Variants in EBF1 observed in about 807,000 individuals in gnomAD.
The protein encoded by EBF1 is EBF transcription factor 1, also known as transcription factor COE1.
Under a neutral mutation model 68.4 loss-of-function variants are expected in EBF1, and 10 were observed. The observed-to-expected ratio is 0.15, with a 90% CI of 0.09 to 0.25. EBF1 has a LOEUF of 0.25. Among genes scored for constraint, EBF1 ranks in the 10% least tolerant of loss-of-function variants. EBF1 has a pLI of 1.00. For synonymous variants in EBF1, 298 were observed against 299.8 expected, an observed-to-expected ratio of 0.99 and a Z score of 0.06; for missense variants, 509 against 794.4, an observed-to-expected ratio of 0.64 and a Z score of 4.32.
At chr5:158,719,401 TCATAGA>T (rs1761457600) in intron 11 of EBF1, among the ~76,000 whole-genome samples, 1 of 152,192 alleles carries the variant, frequency 6.6e-6, no homozygotes, top group African/African-American at 2.4e-5. Context: ...ATTTGCACAT[TCATAGA>T]AAGACACATT....
At chr5:158,835,679 T>G (rs1163644899) in intron 7 of EBF1, among the ~76,000 whole-genome samples, 2 of 152,176 alleles carry the variant, frequency 1.3e-5, no homozygotes, top group Admixed American at 1.3e-4. Context: ...TGGACAATTT[T>G]TTTTTGTTGT....
chr5:158,952,357 G>A (rs764469221), intron 6 of EBF1, among the ~76,000 whole-genome samples: 1 of 152,154 alleles, frequency 6.6e-6, no homozygotes, highest in Non-Finnish European at 1.5e-5. Flanking sequence ...ACGGCACAAA[G>A]GGTGACTGAG....
intron 6 of EBF1, among the ~76,000 whole-genome samples, chr5:159,000,628 AT>A (rs1762349816): frequency 6.6e-6 from 1 of 152,200 alleles, no homozygotes. Context: ...AAAAATTAGA[AT>A]TTTGGAAAAC....
intron 6 of EBF1, among the ~76,000 whole-genome samples, chr5:158,844,189 T>TTTA (rs1790923353): frequency 4.4e-5 from 1 of 22,724 alleles, no homozygotes; most frequent in African/African-American, 1.5e-4. Flanking sequence ...AACTCAAGCC[T>TTTA]TTTTTTTTTT....
chr5:158,883,233 C>T (rs1175285189), intron 6 of EBF1, among the ~76,000 whole-genome samples: 1 of 151,886 alleles, frequency 6.6e-6, no homozygotes, highest in Non-Finnish European at 1.5e-5. Flanking sequence ...TATATACACA[C>T]ATAATACACA....
intron 10 of EBF1, among the ~76,000 whole-genome samples, chr5:158,748,737 G>T (rs1257564530): frequency 2.6e-5 from 4 of 152,138 alleles, no homozygotes; most frequent in African/African-American, 9.7e-5. Flanking sequence ...TTGCAAAATT[G>T]ACGTCCTCCC....
intron 6 of EBF1, among the ~76,000 whole-genome samples, chr5:159,013,983 C>T (rs1356365385): frequency 1.3e-5 from 2 of 152,180 alleles, no homozygotes; most frequent in African/African-American, 4.8e-5. Context: ...AATTAGCCCA[C>T]TCCTTTAAAG....
chr5:158,933,535 C>T (rs1236779548), intron 6 of EBF1, among the ~76,000 whole-genome samples: 1 of 152,100 alleles, frequency 6.6e-6, no homozygotes, highest in African/African-American at 2.4e-5. Flanking sequence ...AATTCAACTA[C>T]TCATTAAAGG....
chr5:159,037,902 C>T (rs1289004660), intron 6 of EBF1, among the ~76,000 whole-genome samples: 1 of 152,166 alleles, frequency 6.6e-6, no homozygotes, highest in Non-Finnish European at 1.5e-5. Context: ...ATCAGCCATC[C>T]TCTGATCTCC....
intron 5 of EBF1, among the ~76,000 whole-genome samples, chr5:159,077,232 C>T (rs1171271489): frequency 1.3e-5 from 2 of 152,094 alleles, no homozygotes; most frequent in Non-Finnish European, 2.9e-5. Context: ...GTCAGGAGTT[C>T]GGGACTAGCC....
intron 6 of EBF1, among the ~76,000 whole-genome samples, chr5:158,942,651 TG>T (rs1206841531): frequency 6.6e-6 from 1 of 152,066 alleles, no homozygotes; most frequent in African/African-American, 2.4e-5. Flanking sequence ...TGAAGGTTTT[TG>T]AAGGAGGAAT....
intron 6 of EBF1, among the ~76,000 whole-genome samples, chr5:159,066,381 C>T (rs1394741293): frequency 1.3e-5 from 2 of 152,110 alleles, no homozygotes; most frequent in Admixed American, 1.3e-4. Context: ...GGCATGTTTG[C>T]AACTGGAACC....
intron 6 of EBF1, among the ~76,000 whole-genome samples, chr5:158,859,896 G>T (rs1794681792): frequency 6.6e-6 from 1 of 152,084 alleles, no homozygotes. Flanking sequence ...TTCATATCTG[G>T]CCAACCAGAT....
At chr5:158,831,085 C>G (rs1344652949) in intron 7 of EBF1, among the ~76,000 whole-genome samples, 1 of 152,164 alleles carries the variant, frequency 6.6e-6, no homozygotes, top group Non-Finnish European at 1.5e-5. Context: ...CCTCATTCCT[C>G]CCTCTGTGGA....
At chr5:158,775,783 GACACACAC>G (rs58752245) in intron 10 of EBF1, among the ~76,000 whole-genome samples, 21,475 of 129,294 alleles carry the variant, frequency 0.17, 1,704 homozygotes, top group Non-Finnish European at 0.17. Context: ...CATGCACACA[GACACACAC>G]ACACACACAC....
intron 10 of EBF1, among the ~76,000 whole-genome samples, chr5:158,749,077 A>G (rs1768200925): frequency 6.6e-6 from 1 of 152,150 alleles, no homozygotes; most frequent in African/African-American, 2.4e-5. Flanking sequence ...GAGGGCCTAG[A>G]TTGACTGCCC....
At chr5:158,829,570 G>A (rs1003890097) in intron 7 of EBF1, among the ~76,000 whole-genome samples, 16 of 152,094 alleles carry the variant, frequency 1.1e-4, no homozygotes, top group African/African-American at 3.1e-4. Flanking sequence ...TTAATAATAG[G>A]GGAAACTGGG....
rs73300089 is a variant in EBF1, at chr5:158,921,085, C to G, written c.555-80975G>C. On this transcript the variant is annotated intron_variant, in intron 6 of 15. Transcript: ENST00000313708. The stretch of plus-strand genomic sequence containing the variant: ...GGAGAAAAGTCCACTTGGAAGCAAG[C>G]TAATGCTGCACACGTTTATGCGTTT... Among the ~76,000 whole-genome samples, 337 of 152,276 alleles carry G rather than the reference C, an allele frequency of 2.2e-3. 1 individual carries two copies. Among genetic ancestry groups the G allele is most frequent in the African/African-American group, 7.8e-3 (324 of 41,558 alleles).
intron 10 of EBF1, among the ~76,000 whole-genome samples, chr5:158,757,645 AAAG>A: frequency 6.6e-6 from 1 of 152,170 alleles, no homozygotes; most frequent in East Asian, 1.9e-4. Flanking sequence ...TGCCAGTGTA[AAAG>A]TCCTGCCTTT....
Sources: gnomAD v4.1 joint callset for allele counts (sites outside exome capture counted in the v4.1 genomes callset) on GRCh38, gnomAD v4.1.1 for gene constraint, MANE v1.5 for transcripts, NCBI Gene and HGNC (gene_info 2026-07-23, HGNC 2026-07-21) for gene names.